ZNF385D: variants seen among roughly 807,000 people sequenced by gnomAD.
ZNF385D encodes zinc finger protein 659.
Under a neutral mutation model 35.8 loss-of-function variants are expected in ZNF385D, and 15 were observed. The ratio of observed to expected loss-of-function variants is 0.42; its 90% CI spans 0.28 to 0.64. The LOEUF is 0.64. Among genes scored for constraint, ZNF385D ranks in the 30% least tolerant of loss-of-function variants. ZNF385D has a pLI of 0.23. For missense variants in ZNF385D, 474 were observed against 494.6 expected (o/e 0.96, Z 0.39); for synonymous variants, 212 against 186.8 (o/e 1.13, Z -1.10).
intron 2 of ZNF385D, among the ~76,000 whole-genome samples, chr3:22,290,114 T>C (rs140747533): frequency 6.6e-6 from 1 of 152,168 alleles, no homozygotes; most frequent in East Asian, 1.9e-4. Context: ...TAGTCCATTA[T>C]GCTTCCAAGG....
chr3:22,061,859 T>C (rs898892791), intron 3 of ZNF385D, among the ~76,000 whole-genome samples: 4 of 152,194 alleles, frequency 2.6e-5, no homozygotes, highest in African/African-American at 7.2e-5. Flanking sequence ...TATTTGTTTA[T>C]TGATTGTCTC....
At chr3:21,814,108 A>C (rs1355415336) in intron 3 of ZNF385D, among the ~76,000 whole-genome samples, 2 of 152,184 alleles carry the variant, frequency 1.3e-5, no homozygotes, top group Non-Finnish European at 2.9e-5. Flanking sequence ...TAAGCTTCAT[A>C]AGTGAAGGAG....
chr3:21,976,461 G>A (rs1703630293), intron 3 of ZNF385D, among the ~76,000 whole-genome samples: 1 of 152,172 alleles, frequency 6.6e-6, no homozygotes, highest in Non-Finnish European at 1.5e-5. Context: ...TTGATAGCAT[G>A]ATAGAGGGAC....
intron 3 of ZNF385D, among the ~76,000 whole-genome samples, chr3:21,802,780 T>C (rs769224758): frequency 6.6e-6 from 1 of 152,168 alleles, no homozygotes; most frequent in African/African-American, 2.4e-5. Flanking sequence ...AATGCTTACC[T>C]GTCCACCTGT....
intron 3 of ZNF385D, among the ~76,000 whole-genome samples, chr3:21,892,574 T>C (rs552225251): frequency 1.7e-4 from 26 of 152,290 alleles, no homozygotes; most frequent in Non-Finnish European, 1.3e-4. Context: ...TGAAGAAATA[T>C]CAGGATTAAG....
intron 2 of ZNF385D, among the ~76,000 whole-genome samples, chr3:22,240,493 G>C (rs930636732): frequency 7.3e-5 from 11 of 150,798 alleles, no homozygotes; most frequent in African/African-American, 2.5e-4. Context: ...CCTTTACTTA[G>C]CTCCTTTCTA....
chr3:21,518,969 T>C (rs1276992375), intron 3 of ZNF385D, among the ~76,000 whole-genome samples: 1 of 152,200 alleles, frequency 6.6e-6, no homozygotes, highest in Non-Finnish European at 1.5e-5. Flanking sequence ...TGAATAAAAA[T>C]GAATATTCAC....
At chr3:21,894,445 ATTCT>A (rs1356239232) in intron 3 of ZNF385D, among the ~76,000 whole-genome samples, 1 of 152,274 alleles carries the variant, frequency 6.6e-6, no homozygotes, top group Non-Finnish European at 1.5e-5. Context: ...AAACTTTCTA[ATTCT>A]TTCTGATTTG....
intron 3 of ZNF385D, among the ~76,000 whole-genome samples, chr3:22,136,483 A>G (rs1350784774): frequency 1.3e-5 from 2 of 152,306 alleles, no homozygotes; most frequent in East Asian, 3.9e-4. Flanking sequence ...ATAGATTGAG[A>G]GAAAATATTT....
intron 3 of ZNF385D, among the ~76,000 whole-genome samples, chr3:22,106,501 G>A (rs1003238757): frequency 4.3e-4 from 65 of 152,100 alleles, no homozygotes; most frequent in African/African-American, 1.5e-3. Context: ...GTGAGTTACT[G>A]GAAAAGGTTT....
At chr3:21,462,571 T>TA (rs2125316186) in intron 4 of ZNF385D, among the ~76,000 whole-genome samples, 1 of 152,226 alleles carries the variant, frequency 6.6e-6, no homozygotes, top group South Asian at 2.1e-4. Context: ...AGGCTACAGA[T>TA]AAAAACATAA....
At chr3:22,129,804 G>C (rs1703667051) in intron 3 of ZNF385D, among the ~76,000 whole-genome samples, 2 of 152,134 alleles carry the variant, frequency 1.3e-5, no homozygotes, top group Admixed American at 1.3e-4. Flanking sequence ...TTAGGAGTCT[G>C]AGTGGTGCTT....
intron 3 of ZNF385D, among the ~76,000 whole-genome samples, chr3:21,899,107 A>T (rs1173039373): frequency 1.3e-5 from 2 of 152,072 alleles, no homozygotes; most frequent in Non-Finnish European, 1.5e-5. Context: ...ATGCCTGGAG[A>T]TATTCCTGGC....
chr3:22,127,273 T>A (rs1703487976), intron 3 of ZNF385D, among the ~76,000 whole-genome samples: 1 of 150,972 alleles, frequency 6.6e-6, no homozygotes, highest in South Asian at 2.1e-4. Flanking sequence ...CCTATATTCT[T>A]TTTGTGAAAG....
chr3:21,660,628 G>A (rs186837709), intron 2 of ZNF385D, among the ~76,000 whole-genome samples: 6 of 152,284 alleles, frequency 3.9e-5, no homozygotes, highest in East Asian at 3.9e-4. Context: ...ATGGTGAGAC[G>A]CTAGGAGAAA....
At chr3:21,545,724 C>T (rs540892853) in intron 3 of ZNF385D, among the ~76,000 whole-genome samples, 8 of 152,266 alleles carry the variant, frequency 5.3e-5, no homozygotes, top group East Asian at 3.9e-4. Flanking sequence ...CTTACAGAGC[C>T]GATAAAAGCT....
At chr3:21,637,547 C>T (rs1005906963) in intron 2 of ZNF385D, among the ~76,000 whole-genome samples, 6 of 152,014 alleles carry the variant, frequency 3.9e-5, no homozygotes, top group African/African-American at 1.4e-4. Context: ...AATGTGATGC[C>T]TCTAGATTTG....
At chr3:22,009,029 A>C (rs1465355230) in intron 3 of ZNF385D, among the ~76,000 whole-genome samples, 1 of 152,220 alleles carries the variant, frequency 6.6e-6, no homozygotes, top group East Asian at 1.9e-4. Flanking sequence ...AAGTCATACA[A>C]GTCCTAGTGT....
chr3:21,785,978 G>T, intron 3 of ZNF385D, among the ~76,000 whole-genome samples: 1 of 151,684 alleles, frequency 6.6e-6, no homozygotes, highest in Non-Finnish European at 1.5e-5. Flanking sequence ...ACAAAAGCAG[G>T]AAGTGTGGAG....
Sources: gnomAD v4.1 joint callset for allele counts (sites outside exome capture counted in the v4.1 genomes callset) on GRCh38, gnomAD v4.1.1 for gene constraint, MANE v1.5 for transcripts, NCBI Gene and HGNC (gene_info 2026-07-23, HGNC 2026-07-21) for gene names.